POM121C: variants seen among roughly 807,000 people sequenced by gnomAD.
POM121C encodes the protein POM121 transmembrane nucleoporin C.
Under a neutral mutation model 66.4 loss-of-function variants are expected in POM121C, and 20 were observed. That is an observed-to-expected ratio of 0.30 (90% confidence interval 0.21 to 0.44). POM121C has a LOEUF of 0.44. POM121C is among the 20% of genes least tolerant of loss of function. The probability of loss-of-function intolerance (pLI) is 1.00; values close to 1 mark genes in which losing one functional copy is unlikely to be tolerated. For missense variants in POM121C, 580 were observed against 1,225.7 expected (o/e 0.47, Z 7.87); for synonymous variants, 286 against 528.0 (o/e 0.54, Z 6.28).
In POM121C at chr7:75,419,862, G is replaced by C. The variant is rs587597532; in HGVS notation, c.2744-420C>G. On this transcript the variant is annotated intron_variant, in intron 13 of 14. Coordinates refer to ENST00000615331, the MANE Select transcript of POM121C (RefSeq NM_001099415.3). ...TCCTGTGTCTTTTGTGATGCCCCGT[G>C]GTCCCCTCCCTTCCCCGGCCTTGCC... is the stretch of plus-strand genomic sequence containing the variant. 36 of 174,836 alleles carry C rather than the reference G, an allele frequency of 2.1e-4. 1 individual carries two copies. In the South Asian group the frequency reaches 3.9e-3, roughly 19 times the overall value. The allele number at this position is 174,836 out of a possible 1,614,324, so 10.8% of individuals were successfully genotyped here.
At chr7:75,458,306 G>C (rs1350934907) in intron 3 of POM121C, among the ~76,000 whole-genome samples, 1 of 152,068 alleles carries the variant, frequency 6.6e-6, no homozygotes, top group Non-Finnish European at 1.5e-5. Context: ...GAGATGGGAG[G>C]AACACTTGAG....
At chr7:75,440,390 AC>A (rs1469524892) in intron 5 of POM121C, among the ~76,000 whole-genome samples, 3 of 151,048 alleles carry the variant, frequency 2.0e-5, no homozygotes, top group African/African-American at 4.9e-5. Flanking sequence ...ATATGGTGAG[AC>A]CCTGTCTCTA....
At chr7:75,429,000 G>A (rs1554472024) in intron 7 of POM121C, among the ~76,000 whole-genome samples, 1 of 151,228 alleles carries the variant, frequency 6.6e-6, no homozygotes, top group Non-Finnish European at 1.5e-5. Flanking sequence ...AGCTAGGACT[G>A]GAAGACAACT....
At chr7:75,424,502 A>C (rs781984218) in intron 11 of POM121C, 24 bp downstream of exon 11, 7 of 1,610,566 alleles carry the variant, frequency 4.3e-6, no homozygotes, top group Admixed American at 1.7e-5. Context: ...ACCTCTCGAG[A>C]GTGCAACGAT....
chr7:75,432,875 C>CT lies in POM121C; in HGVS notation c.480+4639dup, dbSNP rs368767694. On this transcript the variant is annotated intron_variant, in intron 7 of 14. Coordinates refer to ENST00000615331, the MANE Select transcript of POM121C (RefSeq NM_001099415.3). ...GGATCGCTGGGACAGAGGAATTTTA[C>CT]TTTTTTACTTAAAAAAGCCAAAACC... Among the ~76,000 whole-genome samples, 1,522 of 152,238 alleles carry CT rather than the reference C, an allele frequency of 1.0e-2. 28 individuals carry two copies. Among genetic ancestry groups the CT allele is most frequent in the African/African-American group, 0.035 (1,446 of 41,532 alleles).
At chr7:75,485,281 T>C (rs1792479690) in intron 1 of POM121C, among the ~76,000 whole-genome samples, 1 of 152,174 alleles carries the variant, frequency 6.6e-6, no homozygotes, top group Non-Finnish European at 1.5e-5. Flanking sequence ...ACTTGGTTAT[T>C]GCTGCACCTA....
intron 1 of POM121C, among the ~76,000 whole-genome samples, chr7:75,482,108 T>A (rs187819624): frequency 6.6e-6 from 1 of 151,944 alleles, no homozygotes; most frequent in Admixed American, 6.6e-5. Flanking sequence ...TTTTAAAAAA[T>A]GTGCTAAAGG....
In POM121C at chr7:75,442,971, T is replaced by C. The variant is rs587651903; in HGVS notation, c.-151-1324A>G. On this transcript the variant is annotated intron_variant, in intron 3 of 14. Coordinates refer to ENST00000615331, the MANE Select transcript of POM121C (RefSeq NM_001099415.3). ...CCATCCGGCTCCCATCCGGAGGCGATCCCGTGAAAGGATCGCGTCCAAAAT... is the reference window on the plus strand; with the variant it reads ...CCATCCGGCTCCCATCCGGAGGCGACCCCGTGAAAGGATCGCGTCCAAAAT... 4.6e-3 allele frequency among the ~76,000 whole-genome samples: 696 copies of C among 152,172 alleles called. 2 individuals carry two copies. The highest frequency in any genetic ancestry group is 0.016 in the African/African-American group (669 of 41,510).
intron 5 of POM121C, among the ~76,000 whole-genome samples, chr7:75,440,008 G>A (rs1790571214): frequency 6.6e-6 from 1 of 151,204 alleles, no homozygotes; most frequent in Admixed American, 6.6e-5. Flanking sequence ...AGCCTCTGGA[G>A]TAGCTGGGAC....
chr7:75,419,163 C>T (rs1789589571), intron 14 of POM121C, among the ~76,000 whole-genome samples, 157 bp downstream of exon 14: 1 of 152,188 alleles, frequency 6.6e-6, no homozygotes, highest in Admixed American at 6.5e-5. Flanking sequence ...CTCTGCCATC[C>T]AACTCCCATC....
intron 1 of POM121C, among the ~76,000 whole-genome samples, chr7:75,476,401 C>A (rs1792078443): frequency 6.6e-6 from 1 of 152,072 alleles, no homozygotes; most frequent in African/African-American, 2.4e-5. Flanking sequence ...CCTGCCCAAA[C>A]TTGCAGTTTA....
At chr7:75,421,164 C>T (rs1554470548) in intron 13 of POM121C, 1 of 442,054 alleles carries the variant, frequency 2.3e-6, no homozygotes, top group South Asian at 2.4e-5. Flanking sequence ...TTAGTAGAGA[C>T]AGGGTTTCGC....
At chr7:75,456,765 T>C (rs1274305268) in intron 3 of POM121C, among the ~76,000 whole-genome samples, 1 of 152,268 alleles carries the variant, frequency 6.6e-6, no homozygotes, top group African/African-American at 2.4e-5. Context: ...CAATTTTCAA[T>C]GCCAAATGTT....
chr7:75,481,457 T>A (rs587606531), intron 1 of POM121C, among the ~76,000 whole-genome samples: 143 of 152,264 alleles, frequency 9.4e-4, no homozygotes, highest in Middle Eastern at 3.4e-3. Context: ...ACCCTCCTGC[T>A]TAAAAGCCTA....
At position 75,486,178 on chromosome 7, in the gene POM121C, A is replaced by C; in HGVS notation, c.-772T>G. 1 of 314,076 alleles carries C rather than the reference A, an allele frequency of 3.2e-6. No homozygotes were observed. Among genetic ancestry groups the C allele is most frequent in the Non-Finnish European group, 6.2e-6 (1 of 162,256 alleles). 19.5% of individuals were successfully genotyped at this position (314,076 alleles called of 1,614,324 possible). Reference sequence around the variant, plus strand: ...TGGGCCGCACAGCTCCCGCCCGCCTAGGTGCTGGTCCGGGCGGTCAGCATC... The same window carrying C: ...TGGGCCGCACAGCTCCCGCCCGCCTCGGTGCTGGTCCGGGCGGTCAGCATC... On this transcript the variant is annotated 5_prime_UTR_variant, in exon 1 of 15. An upstream open reading frame in the 5' UTR loses its in-frame stop. Coordinates refer to ENST00000615331, the MANE Select transcript of POM121C (RefSeq NM_001099415.3).
At chr7:75,474,625 A>G (rs2443466) in intron 3 of POM121C, 79 bp downstream of exon 3, 23 of 549,308 alleles carry the variant, frequency 4.2e-5, no homozygotes, top group Admixed American at 9.5e-5. Context: ...AGGGTACCGA[A>G]TACATATAAA....
chr7:75,448,396 G>A (rs1554475154), intron 3 of POM121C, among the ~76,000 whole-genome samples: 1 of 150,386 alleles, frequency 6.6e-6, no homozygotes, highest in East Asian at 1.9e-4. Context: ...ATTTATATGT[G>A]CCTGTTTTTC....
chr7:75,437,632 A>C lies in POM121C; in HGVS notation c.363T>G (p.Asn121Lys), dbSNP rs758213436. 1.2e-6 allele frequency: 2 copies of C among 1,613,962 alleles called. No homozygotes were observed. The highest frequency in any genetic ancestry group is 1.7e-6 in the Non-Finnish European group (2 of 1,179,858). ...TCATGGAAGAGCTTCGGGATCTCTT[A>C]TTCAAGTGGTCATCTGAGCTCTGAG... ...LNSQSSDDHL[N>K]KRSRSSSMSS... Residue 121 changes from asparagine (N) to lysine (K), a missense_variant, in exon 7 of 15, where the codon AAT becomes AAG. Transcript: ENST00000615331.
At chr7:75,468,140 AAAAAAAAAAAAAG>A (rs1791739942) in intron 3 of POM121C, among the ~76,000 whole-genome samples, 6 of 105,850 alleles carry the variant, frequency 5.7e-5, no homozygotes, top group African/African-American at 2.9e-4. Context: ...AAAAAAAAAA[AAAAAAAAAAAAAG>A]AAAAGAAAAG....
Sources: allele counts gnomAD v4.1 joint callset (sites outside exome capture counted in the v4.1 genomes callset), GRCh38; gene constraint gnomAD v4.1.1; transcripts MANE v1.5; gene names NCBI Gene and HGNC (gene_info 2026-07-23, HGNC 2026-07-21).